Variants in LARP1B observed in about 807,000 individuals in gnomAD.
LARP1B encodes la-related protein 1B.
LARP1B carries 76 observed loss-of-function variants against 114.2 expected under a neutral mutation model. That is an observed-to-expected ratio of 0.67 (90% CI 0.55 to 0.81). LARP1B has a LOEUF of 0.81. Ranked by LOEUF, LARP1B falls within the 30% of genes least tolerant of loss-of-function variation. The probability of loss-of-function intolerance (pLI) is 0.00; values close to 1 mark genes in which losing one functional copy is unlikely to be tolerated. For missense variants in LARP1B, 1,014 were observed against 1,075.8 expected, an observed-to-expected ratio of 0.94 and a Z score of 0.80; for synonymous variants, 345 against 348.0, an observed-to-expected ratio of 0.99 and a Z score of 0.10.
At chr4:128,171,547 TAAAAGG>T (rs1447236184) in intron 12 of LARP1B, among the ~76,000 whole-genome samples, 2 of 152,200 alleles carry the variant, frequency 1.3e-5, no homozygotes, top group Non-Finnish European at 2.9e-5. Context: ...TTAAATAACT[TAAAAGG>T]AGAATAGTCT....
chr4:128,174,807 A>G (rs1745221567), intron 12 of LARP1B, among the ~76,000 whole-genome samples: 1 of 152,140 alleles, frequency 6.6e-6, no homozygotes, highest in Non-Finnish European at 1.5e-5. Context: ...CAAACTGATG[A>G]GGACTTACGA....
intron 1 of LARP1B, among the ~76,000 whole-genome samples, chr4:128,067,974 G>A (rs1234507658): frequency 2.0e-5 from 3 of 151,966 alleles, no homozygotes; most frequent in East Asian, 1.9e-4. Flanking sequence ...TCCGCCTCCC[G>A]GGTTCACGCC....
At chr4:128,135,567 A>G (rs1014197527) in intron 11 of LARP1B, among the ~76,000 whole-genome samples, 1 of 152,232 alleles carries the variant, frequency 6.6e-6, no homozygotes, top group Non-Finnish European at 1.5e-5. Context: ...TAGTATATAC[A>G]TAACAATGGA....
rs146610715 is a variant in LARP1B at position 128,169,044 on chromosome 4, C to A, written c.1648+6727C>A. On this transcript the variant is annotated intron_variant, in intron 12 of 19. Transcript: ENST00000326639. ...AGCTTTTGTACCTATTGAATTTATT[C>A]ATTTCCTGGAATTTATAATATGCTC... Among the ~76,000 whole-genome samples, 559 of 152,096 alleles carry A rather than the reference C, an allele frequency of 3.7e-3. 4 individuals carry two copies. Among genetic ancestry groups the A allele is most frequent in the Non-Finnish European group, 5.0e-3 (343 of 67,946 alleles).
At chr4:128,155,453 G>T (rs1735078863) in intron 11 of LARP1B, 2 of 733,644 alleles carry the variant, frequency 2.7e-6, no homozygotes. Flanking sequence ...GCGACCCCGC[G>T]CAGCCCCCCG....
chr4:128,062,189 C>T, intron 1 of LARP1B: 1 of 985,446 alleles, frequency 1.0e-6, no homozygotes. Context: ...GACAGGTCCG[C>T]CACCGCCCCC....
downstream of LARP1B, among the ~76,000 whole-genome samples, chr4:128,214,441 C>A (rs960330845): frequency 6.6e-6 from 1 of 150,508 alleles, no homozygotes; most frequent in Non-Finnish European, 1.5e-5. Context: ...TCTCCCAGCA[C>A]GCAGCTGGAG....
At position 128,145,433 on chromosome 4, in the gene LARP1B, A is replaced by G. The variant is rs540454880; in HGVS notation, c.1525-16761A>G. Among the ~76,000 whole-genome samples, 8 of 152,268 alleles carry G rather than the reference A, an allele frequency of 5.3e-5. No individual in the cohort carries two copies. The South Asian group carries it at 1.7e-3, about 32-fold the overall frequency. On this transcript the variant is annotated intron_variant, in intron 11 of 19. Coordinates refer to ENST00000326639, the MANE Select transcript of LARP1B (RefSeq NM_018078.4). The stretch of plus-strand genomic sequence containing the variant: ...CCCAGCACTACTGGACCTTTAGTAT[A>G]TCTGTTCAGCTTAACCACATAGCAG...
intron 10 of LARP1B, among the ~76,000 whole-genome samples, chr4:128,117,913 C>CTTT (rs35542391): frequency 3.9e-5 from 4 of 102,588 alleles, no homozygotes; most frequent in East Asian, 2.7e-4. Context: ...AACAGAAAAT[C>CTTT]TTTTTTTTTT....
chr4:128,179,867 A>G (rs1747734166), intron 15 of LARP1B, among the ~76,000 whole-genome samples: 2 of 152,322 alleles, frequency 1.3e-5, no homozygotes, highest in Admixed American at 6.5e-5. Flanking sequence ...CTAAACAAAC[A>G]ACTCAAACTG....
downstream of LARP1B, among the ~76,000 whole-genome samples, chr4:128,214,486 T>C (rs986748142): frequency 6.6e-6 from 1 of 151,782 alleles, no homozygotes; most frequent in Non-Finnish European, 1.5e-5. Context: ...CTCAAGTGGG[T>C]CCCTGACCCC....
chr4:128,147,310 C>G (rs1442890618), intron 11 of LARP1B, among the ~76,000 whole-genome samples: 1 of 152,174 alleles, frequency 6.6e-6, no homozygotes, highest in East Asian at 1.9e-4. Context: ...GTGACAGAGT[C>G]TTTCCCTTTT....
intron 19 of LARP1B, among the ~76,000 whole-genome samples, chr4:128,209,528 A>G (rs543720449): frequency 1.1e-4 from 16 of 152,150 alleles, no homozygotes; most frequent in Non-Finnish European, 2.2e-4. Flanking sequence ...GAGTAAAAGA[A>G]TGAGCAAATA....
chr4:128,098,768 T>TATATATATATATG lies in LARP1B; in HGVS notation c.813+438_813+439insATATATATATATG, dbSNP rs58280279. 9.0e-3 allele frequency among the ~76,000 whole-genome samples: 170 copies of TATATATATATATG among 18,868 alleles called. 4 individuals carry two copies. The highest frequency in any genetic ancestry group is 0.036 in the African/African-American group (168 of 4,646). The allele number at this position is 18,868 out of a possible 152,430, so 12.4% of individuals were successfully genotyped here. A position where few individuals can be genotyped will look rare whatever the true frequency, so the allele number is the denominator to read the frequency against. On this transcript the variant is annotated intron_variant, in intron 8 of 19. Transcript: ENST00000326639. ...ATGTGTATATATATATATATATATA[T>TATATATATATATG]TTTTTTTTTTTTTTTTTTTTTTTTT...
At chr4:128,153,460 C>G (rs1050787575) in intron 11 of LARP1B, among the ~76,000 whole-genome samples, 2 of 152,078 alleles carry the variant, frequency 1.3e-5, no homozygotes, top group Admixed American at 6.5e-5. Context: ...CGTGCACCAC[C>G]ACGCCTGGCT....
Position 128,114,777 on chromosome 4 carries a change from C to T in LARP1B, c.1161+35C>T, listed in dbSNP as rs760012999. 2.4e-5 allele frequency: 39 copies of T among 1,594,616 alleles called. No individual in the cohort carries two copies. In the East Asian group the frequency reaches 8.0e-4, roughly 33 times the overall value. ...TACAGACTGAGTGAAGTGTGACATA[C>T]CCTGGGTGGAGTATAAGGTCAGTGC... On this transcript the variant is annotated intron_variant, in intron 10 of 19. Coordinates refer to ENST00000326639, the MANE Select transcript of LARP1B (RefSeq NM_018078.4).
intron 1 of LARP1B, among the ~76,000 whole-genome samples, chr4:128,070,249 G>A (rs1764695356): frequency 6.6e-6 from 1 of 152,046 alleles, no homozygotes; most frequent in Non-Finnish European, 1.5e-5. Flanking sequence ...GAAGCCGGGA[G>A]GCGGAGCTTG....
In LARP1B at chr4:128,211,406, G is replaced by A. The variant is rs1301526818; in HGVS notation, c.*1353G>A. 1 of 918,092 alleles carries A rather than the reference G, an allele frequency of 1.1e-6. No individual in the cohort carries two copies. 56.9% of individuals were successfully genotyped at this position (918,092 alleles called of 1,614,324 possible). A position where few individuals can be genotyped will look rare whatever the true frequency, so the allele number is the denominator to read the frequency against. On this transcript the variant is annotated 3_prime_UTR_variant, in exon 20 of 20. Coordinates refer to ENST00000326639, the MANE Select transcript of LARP1B (RefSeq NM_018078.4). ...TAATATTGAAATACATATAATCTTT[G>A]GATGGATGGGCTGTTAATTTGTAAA...
chr4:128,069,775 G>A (rs778419331), intron 1 of LARP1B, among the ~76,000 whole-genome samples: 42 of 152,028 alleles, frequency 2.8e-4, no homozygotes, highest in South Asian at 6.2e-4. Context: ...ATAACAATAT[G>A]ATGTTTAAAA....
Sources: gnomAD v4.1 joint callset for allele counts (sites outside exome capture counted in the v4.1 genomes callset) on GRCh38, gnomAD v4.1.1 for gene constraint, MANE v1.5 for transcripts, NCBI Gene and HGNC (gene_info 2026-07-23, HGNC 2026-07-21) for gene names.